The following NLGN1 variants were observed in gnomAD, a reference collection of about 807,000 sequenced individuals.
NLGN1 encodes the protein neuroligin-1.
A neutral mutation model predicts 65.5 loss-of-function variants in NLGN1; 12 were observed. The observed-to-expected ratio is 0.18, with a 90% CI of 0.12 to 0.30. The LOEUF (loss-of-function observed/expected upper bound fraction) is 0.30, where lower values mean the gene tolerates loss of function less well. Among genes scored for constraint, NLGN1 ranks in the 10% least tolerant of loss-of-function variants. The pLI is 1.00. For synonymous variants in NLGN1, 350 were observed against 359.5 expected, an observed-to-expected ratio of 0.97 and a Z score of 0.30; for missense variants, 750 against 1,007.1, an observed-to-expected ratio of 0.74 and a Z score of 3.46.
At position 173,624,863 on chromosome 3, in the gene NLGN1, A is replaced by C. The variant is rs1383297004; in HGVS notation, c.493+19772A>C. 1.3e-5 allele frequency among the ~76,000 whole-genome samples: 2 copies of C among 148,956 alleles called. 1 individual carries two copies. Among genetic ancestry groups the C allele is most frequent in the South Asian group, 4.3e-4 (2 of 4,686 alleles). On this transcript the variant is annotated intron_variant, in intron 3 of 6. Coordinates refer to ENST00000457714, the Ensembl canonical transcript of NLGN1. ...TGTTTTTTTTTTTCCTATTTTATCC[A>C]CTCTCTCTTTATTTATATTTTTTTT...
At chr3:174,054,831 CAGTGAATT>C (rs1735694722) in intron 4 of NLGN1, among the ~76,000 whole-genome samples, 2 of 152,098 alleles carry the variant, frequency 1.3e-5, no homozygotes, top group Admixed American at 6.6e-5. Flanking sequence ...CATAGTCTGA[CAGTGAATT>C]AGTGAATTAG....
At chr3:174,213,489 G>C (rs1405144354) in intron 4 of NLGN1, among the ~76,000 whole-genome samples, 1 of 152,138 alleles carries the variant, frequency 6.6e-6, no homozygotes, top group African/African-American at 2.4e-5. Flanking sequence ...AATAATAATA[G>C]TAAGCAATAA....
In NLGN1 at chr3:173,448,410, G is replaced by A. The variant is rs547152025; in HGVS notation, c.-321+13332G>A. ...ACCAGCCTTGCATCCGAGGGATGAA[G>A]CCCACTTGATCATGGTGGATAAGCT... On this transcript the variant is annotated intron_variant, in intron 2 of 6. Transcript: ENST00000457714. 2.0e-5 allele frequency among the ~76,000 whole-genome samples: 3 copies of A among 152,332 alleles called. No individual in the cohort carries two copies. In the South Asian group the frequency reaches 6.2e-4, roughly 32 times the overall value.
chr3:173,749,282 T>C (rs1024835977), intron 3 of NLGN1, among the ~76,000 whole-genome samples: 1 of 151,998 alleles, frequency 6.6e-6, no homozygotes, highest in African/African-American at 2.4e-5. Flanking sequence ...TCCAAAGTCA[T>C]TTTTTATGAT....
At chr3:173,489,831 G>A (rs1681994357) in intron 2 of NLGN1, among the ~76,000 whole-genome samples, 2 of 151,954 alleles carry the variant, frequency 1.3e-5, no homozygotes, top group South Asian at 4.1e-4. Flanking sequence ...TTCTCTGATG[G>A]CCAGTGATGA....
At chr3:174,204,898 A>G (rs1359799720) in intron 4 of NLGN1, among the ~76,000 whole-genome samples, 1 of 152,114 alleles carries the variant, frequency 6.6e-6, no homozygotes, top group Non-Finnish European at 1.5e-5. Flanking sequence ...ACTCATTTCC[A>G]GTTATCATAT....
intron 4 of NLGN1, among the ~76,000 whole-genome samples, chr3:174,135,485 G>A (rs1172425621): frequency 6.6e-6 from 1 of 152,112 alleles, no homozygotes; most frequent in African/African-American, 2.4e-5. Context: ...AGATGTTAAT[G>A]ATTCCTATTA....
rs1733834703 is a variant in NLGN1 at position 173,883,941 on chromosome 3, T to C, written c.646+76109T>C. Among the ~76,000 whole-genome samples, 3 of 151,840 alleles carry C rather than the reference T, an allele frequency of 2.0e-5. No homozygotes were observed. The South Asian group carries it at 6.2e-4, about 32-fold the overall frequency. ...CACATGAGAAATTGTCGTTCTAGCATTTTTACTCTTTCCTTGAATAGTACT... is the reference window on the plus strand; with the variant it reads ...CACATGAGAAATTGTCGTTCTAGCACTTTTACTCTTTCCTTGAATAGTACT... On this transcript the variant is annotated intron_variant, in intron 4 of 6. Coordinates refer to ENST00000457714, the Ensembl canonical transcript of NLGN1.
intron 2 of NLGN1, among the ~76,000 whole-genome samples, chr3:173,602,074 A>T (rs16828162): frequency 0.079 from 11,990 of 152,072 alleles, 1,582 homozygotes; most frequent in African/African-American, 0.27. Flanking sequence ...GCTACTAATT[A>T]GCTAAGAGGC....
intron 4 of NLGN1, among the ~76,000 whole-genome samples, chr3:173,927,389 GT>G (rs1379233582): frequency 6.6e-6 from 1 of 152,092 alleles, no homozygotes; most frequent in Non-Finnish European, 1.5e-5. Context: ...GTATTTAAAA[GT>G]GTAGAGTTTA....
chr3:173,493,557 G>T (rs952783900), intron 2 of NLGN1, among the ~76,000 whole-genome samples: 4 of 151,822 alleles, frequency 2.6e-5, no homozygotes, highest in African/African-American at 7.3e-5. Flanking sequence ...TGTTTACCAT[G>T]TGCTGGGTAA....
intron 3 of NLGN1, among the ~76,000 whole-genome samples, chr3:173,671,614 T>A (rs1337422672): frequency 1.3e-5 from 2 of 152,226 alleles, no homozygotes; most frequent in Admixed American, 1.3e-4. Flanking sequence ...TTTGGCACTT[T>A]GGTCAATCTC....
intron 3 of NLGN1, among the ~76,000 whole-genome samples, chr3:173,786,931 G>A (rs556993868): frequency 6.6e-6 from 1 of 152,204 alleles, no homozygotes; most frequent in South Asian, 2.1e-4. Context: ...CAAAAAAGTA[G>A]CAGGGTGTGG....
intron 4 of NLGN1, among the ~76,000 whole-genome samples, chr3:174,048,875 A>G (rs1388394313): frequency 6.6e-6 from 1 of 152,064 alleles, no homozygotes; most frequent in Admixed American, 6.6e-5. Context: ...ACCACAGAAT[A>G]TTTTTTTCTA....
chr3:173,745,473 T>A (rs1256043822), intron 3 of NLGN1, among the ~76,000 whole-genome samples: 1 of 151,970 alleles, frequency 6.6e-6, no homozygotes, highest in Admixed American at 6.6e-5. Context: ...AAAGCTTTTT[T>A]TTACGAGAAA....
chr3:173,488,939 A>T, intron 2 of NLGN1, among the ~76,000 whole-genome samples: 1 of 148,908 alleles, frequency 6.7e-6, no homozygotes, highest in African/African-American at 2.5e-5. Flanking sequence ...ATTTCTCTAC[A>T]TTATATTCTG....
intron 4 of NLGN1, among the ~76,000 whole-genome samples, chr3:174,105,083 G>A (rs1713417167): frequency 1.3e-5 from 2 of 152,126 alleles, no homozygotes; most frequent in Non-Finnish European, 2.9e-5. Context: ...ATAAATACAG[G>A]TGAAAATAAT....
chr3:174,107,953 G>A (rs1433004723), intron 4 of NLGN1, among the ~76,000 whole-genome samples: 4 of 152,026 alleles, frequency 2.6e-5, no homozygotes, highest in Non-Finnish European at 5.9e-5. Context: ...GGCTCTTCAT[G>A]TCTTTTGCCC....
chr3:173,643,937 C>T (rs1015669363), intron 3 of NLGN1, among the ~76,000 whole-genome samples: 3 of 152,128 alleles, frequency 2.0e-5, no homozygotes, highest in African/African-American at 7.2e-5. Flanking sequence ...GCGGAACCAG[C>T]AAACAGGATG....
Sources: allele counts gnomAD v4.1 joint callset (sites outside exome capture counted in the v4.1 genomes callset), GRCh38; gene constraint gnomAD v4.1.1; transcripts MANE v1.5; gene names NCBI Gene and HGNC (gene_info 2026-07-23, HGNC 2026-07-21).